The following ARPP21 variants were observed in gnomAD, a reference collection of about 807,000 sequenced individuals.
The protein encoded by ARPP21 is cAMP-regulated phosphoprotein 21.
Under a neutral mutation model 113.2 loss-of-function variants are expected in ARPP21, and 69 were observed. The ratio of observed to expected loss-of-function variants is 0.61; its 90% CI spans 0.50 to 0.74. ARPP21 has a LOEUF of 0.74. ARPP21 is among the 30% of genes least tolerant of loss of function. The pLI is 0.00. For missense variants in ARPP21, 1,070 were observed against 1,037.4 expected, an observed-to-expected ratio of 1.03 and a Z score of -0.43; for synonymous variants, 368 against 375.5, an observed-to-expected ratio of 0.98 and a Z score of 0.23.
intron 19 of ARPP21, among the ~76,000 whole-genome samples, chr3:35,786,505 C>T (rs552599522): frequency 8.0e-4 from 117 of 146,864 alleles, no homozygotes; most frequent in Admixed American, 1.9e-3. Context: ...TCCAGCCTGA[C>T]GACGGAGTGA....
intron 5 of ARPP21, 110 bp from the exon 6 acceptor site, chr3:35,687,629 A>T (rs1034391973): frequency 9.1e-6 from 9 of 992,914 alleles, no homozygotes; most frequent in Non-Finnish European, 1.3e-5. Flanking sequence ...AGAAAAAAAA[A>T]ATCTGCACCT....
chr3:35,753,154 G>A (rs539378170), intron 19 of ARPP21, among the ~76,000 whole-genome samples: 4 of 151,024 alleles, frequency 2.6e-5, no homozygotes, highest in South Asian at 2.1e-4. Flanking sequence ...TGGAAAATAC[G>A]GTGCTTCAGG....
At chr3:35,702,603 A>G (rs1460259889) in intron 9 of ARPP21, among the ~76,000 whole-genome samples, 3 of 151,834 alleles carry the variant, frequency 2.0e-5, no homozygotes, top group South Asian at 2.1e-4. Context: ...CTCTGCTTAT[A>G]TATACAGTAC....
chr3:35,704,167 A>T (rs982799610), intron 9 of ARPP21, among the ~76,000 whole-genome samples: 1 of 151,912 alleles, frequency 6.6e-6, no homozygotes, highest in African/African-American at 2.4e-5. Flanking sequence ...AATAATTTGA[A>T]CTATTAAATT....
chr3:35,752,099 C>A (rs1392430629), intron 19 of ARPP21, among the ~76,000 whole-genome samples: 1 of 151,862 alleles, frequency 6.6e-6, no homozygotes, highest in African/African-American at 2.4e-5. Context: ...GGGAAGCTAA[C>A]GATGGATGCA....
At chr3:35,710,525 GCTCT>G (rs370158495) in intron 11 of ARPP21, among the ~76,000 whole-genome samples, 27 of 121,786 alleles carry the variant, frequency 2.2e-4, no homozygotes, top group Non-Finnish European at 4.1e-4. Context: ...TCTCTCTCTT[GCTCT>G]CTCTCTCTCT....
Position 35,715,499 on chromosome 3 carries a change from A to G in ARPP21, c.935+23A>G, listed in dbSNP as rs376770646. 213 of 1,593,672 alleles carry G rather than the reference A, an allele frequency of 1.3e-4. 1 individual carries two copies. In the African/African-American group the frequency reaches 1.8e-3, roughly 13 times the overall value. On this transcript the variant is annotated intron_variant, in intron 12 of 20. Transcript: ENST00000684406. The stretch of plus-strand genomic sequence containing the variant: ...CAGGTAAAATAAAATTTACTTTTCC[A>G]TGTCTTTAGAGGAACAACGTCTGTC...
chr3:35,728,770 G>A (rs2150456626), intron 14 of ARPP21, among the ~76,000 whole-genome samples: 1 of 152,208 alleles, frequency 6.6e-6, no homozygotes, highest in Non-Finnish European at 1.5e-5. Context: ...ACTCACACAT[G>A]AAGGTAAAAG....
intron 1 of ARPP21, among the ~76,000 whole-genome samples, chr3:35,648,091 T>A (rs1700941482): frequency 6.6e-6 from 1 of 152,142 alleles, no homozygotes; most frequent in African/African-American, 2.4e-5. Context: ...TTTCTGATGG[T>A]TAAAATTGGT....
chr3:35,742,818 G>A (rs1163038488), intron 18 of ARPP21, among the ~76,000 whole-genome samples: 1 of 152,132 alleles, frequency 6.6e-6, no homozygotes, highest in Non-Finnish European at 1.5e-5. Flanking sequence ...GTCTACTAGG[G>A]TACTTCAGTT....
intron 1 of ARPP21, among the ~76,000 whole-genome samples, chr3:35,665,216 CAG>C (rs2074027703): frequency 6.6e-6 from 1 of 151,980 alleles, no homozygotes; most frequent in Non-Finnish European, 1.5e-5. Flanking sequence ...AGAAGAAGAA[CAG>C]AGTCTTAGGC....
chr3:35,699,774 A>T lies in ARPP21; in HGVS notation c.687-7200A>T, dbSNP rs189755337. 1.8e-3 allele frequency among the ~76,000 whole-genome samples: 281 copies of T among 151,926 alleles called. 1 individual carries two copies. The Middle Eastern group carries it at 0.024, about 13-fold the overall frequency. On this transcript the variant is annotated intron_variant, in intron 9 of 20. Coordinates refer to ENST00000684406, the MANE Select transcript of ARPP21 (RefSeq NM_001385562.1). ...TGGGACTGAAATACTGTATTTGCAT[A>T]TGGGCTTCAATGGAATGCTTTTTTA...
rs974180635 is a variant in ARPP21 at position 35,690,756 on chromosome 3, C to T, written c.546-109C>T. On this transcript the variant is annotated intron_variant, in intron 8 of 20. Transcript: ENST00000684406. ...TAAGTGATGCCAGAAATGCAATAGG[C>T]TTAGTGGTTTAGATGAAGAAGAAAT... The T allele has an allele frequency of 1.7e-5, 17 of 1,013,856 alleles. No individual in the cohort carries two copies. In the East Asian group the frequency reaches 3.7e-4, roughly 22 times the overall value. The allele number at this position is 1,013,856 out of a possible 1,614,324, so 62.8% of individuals were successfully genotyped here. A position where few individuals can be genotyped will look rare whatever the true frequency, so the allele number is the denominator to read the frequency against.
intron 19 of ARPP21, among the ~76,000 whole-genome samples, chr3:35,789,328 T>A (rs1483634721): frequency 6.6e-5 from 10 of 152,204 alleles, no homozygotes. Flanking sequence ...GGACCAGAAC[T>A]CAGATTCACA....
intron 9 of ARPP21, among the ~76,000 whole-genome samples, chr3:35,702,201 C>T (rs1457102483): frequency 6.6e-6 from 1 of 151,590 alleles, no homozygotes; most frequent in African/African-American, 2.4e-5. Context: ...ATGATCAAAG[C>T]ATATTTATGT....
At chr3:35,655,924 G>A (rs1704646108) in intron 1 of ARPP21, among the ~76,000 whole-genome samples, 1 of 151,966 alleles carries the variant, frequency 6.6e-6, no homozygotes, top group Non-Finnish European at 1.5e-5. Context: ...TGATGTTGAT[G>A]TTGCCAGTAC....
At chr3:35,703,623 A>T (rs1395432441) in intron 9 of ARPP21, among the ~76,000 whole-genome samples, 5 of 151,860 alleles carry the variant, frequency 3.3e-5, no homozygotes, top group Non-Finnish European at 7.4e-5. Flanking sequence ...AAATAATGCC[A>T]TATGTACTAA....
chr3:35,677,303 C>CACTTAGGA (rs2077763017), intron 1 of ARPP21, among the ~76,000 whole-genome samples: 1 of 151,776 alleles, frequency 6.6e-6, no homozygotes, highest in Non-Finnish European at 1.5e-5. Flanking sequence ...CACACACATA[C>CACTTAGGA]ACTTAGGACA....
chr3:35,691,104 T>C (rs2082109456), intron 9 of ARPP21, 99 bp downstream of exon 9: 2 of 1,268,732 alleles, frequency 1.6e-6, no homozygotes, highest in Admixed American at 2.6e-5. Context: ...ACATTTAAAA[T>C]GTGCAGTGTT....
Sources: gnomAD v4.1 joint callset for allele counts (sites outside exome capture counted in the v4.1 genomes callset) on GRCh38, gnomAD v4.1.1 for gene constraint, MANE v1.5 for transcripts, NCBI Gene and HGNC (gene_info 2026-07-23, HGNC 2026-07-21) for gene names.